WDR81: variants seen among roughly 807,000 people sequenced by gnomAD.
The protein encoded by WDR81 is WD repeat-containing protein 81.
Under a neutral mutation model 140.8 loss-of-function variants are expected in WDR81, and 92 were observed. The observed-to-expected ratio is 0.65, with a 90% CI of 0.55 to 0.78. WDR81 has a LOEUF of 0.78. Among genes scored for constraint, WDR81 ranks in the 30% least tolerant of loss-of-function variants. The probability of loss-of-function intolerance (pLI) is 0.00; values close to 1 mark genes in which losing one functional copy is unlikely to be tolerated. For missense variants in WDR81, 2,502 were observed against 2,636.4 expected, an observed-to-expected ratio of 0.95 and a Z score of 1.12; for synonymous variants, 1,183 against 1,156.4, an observed-to-expected ratio of 1.02 and a Z score of -0.47.
At chr17:1,729,577 G>A (rs903394688) in intron 1 of WDR81, among the ~76,000 whole-genome samples, 9 of 152,124 alleles carry the variant, frequency 5.9e-5, no homozygotes, top group African/African-American at 2.2e-4. Flanking sequence ...GGAGGAGTAG[G>A]AAGAAGGTAG....
Position 1,725,273 on chromosome 17 carries a change from TG to T in WDR81, c.316del (p.Glu106ArgfsTer148). ...AGGCTGCCTGCCGGCTGGACGCGCG[TG>T]GAGGTGCATGGGCTGCGGAAGCGGA... ...VQRLPAGWTR[V>X]EVHGLRKRRL... is the part of the protein sequence containing the mutation. On this transcript the variant is annotated frameshift_variant, in exon 1 of 10. Coordinates refer to ENST00000409644, the MANE Select transcript of WDR81 (RefSeq NM_001163809.2). LOFTEE classifies it high-confidence loss of function. 6.5e-7 allele frequency: 1 copy of T among 1,545,784 alleles called. No homozygotes were observed. Among genetic ancestry groups the T allele is most frequent in the Non-Finnish European group, 8.7e-7 (1 of 1,146,938 alleles).
chr17:1,728,376 A>G lies in WDR81; in HGVS notation c.3417A>G (p.Ser1139=). 1 of 1,612,978 alleles carries G rather than the reference A, an allele frequency of 6.2e-7. No homozygotes were observed. The highest frequency in any genetic ancestry group is 8.5e-7 in the Non-Finnish European group (1 of 1,179,976). ...CCGTGGACAAGAGCAGCCTTCGATCAGGTGACAGCAGCCAGGACTTGAAGC... is the reference window on the plus strand; with the variant it reads ...CCGTGGACAAGAGCAGCCTTCGATCGGGTGACAGCAGCCAGGACTTGAAGC... The part of the protein sequence containing the change: ...GAPVDKSSLR[S]GDSSQDLKQS... Residue 1139 remains serine, a synonymous_variant, in exon 1 of 10, where the codon TCA becomes TCG. Transcript: ENST00000409644.
At chr17:1,717,751 A>T (rs2151153375) in intron 1 of WDR81, among the ~76,000 whole-genome samples, 1 of 152,116 alleles carries the variant, frequency 6.6e-6, no homozygotes, top group South Asian at 2.1e-4. Context: ...TCACTCCAAG[A>T]CTGTCTCCCC....
intron 4 of WDR81, 30 bp downstream of exon 4, chr17:1,731,288 G>T (rs1486920636): frequency 6.2e-7 from 1 of 1,604,950 alleles, no homozygotes. Flanking sequence ...GATGTAGGGG[G>T]ACCGGCCCAG....
chr17:1,725,751 C>G lies in WDR81; in HGVS notation c.792C>G (p.Leu264=). ...GCCAGGCCAAGGTGCTGTTCATTCT[C>G]TTCCGCGTGCTGAGGGCTATGGACG... ...TNSQAKVLFI[L]FRVLRAMDAC... Residue 264 remains leucine, a synonymous_variant, in exon 1 of 10, where the codon CTC becomes CTG. Transcript: ENST00000409644. The G allele has an allele frequency of 3.2e-6, 5 of 1,550,646 alleles. No individual in the cohort carries two copies. The highest frequency in any genetic ancestry group is 2.0e-5 in the Admixed American group (1 of 51,008).
rs759627050 is a variant in WDR81, at chr17:1,725,617, C to G, written c.658C>G (p.Arg220Gly). The G allele has an allele frequency of 7.1e-6, 11 of 1,545,312 alleles. No homozygotes were observed. The South Asian group carries it at 1.1e-4, about 15-fold the overall frequency. The change falls in exon 1 of 10, where the codon CGG becomes GGG. Residue 220 changes from arginine (R) to glycine (G), a missense_variant. Physicochemically the swap from Arg to Gly is moderately radical, Grantham distance 125. Coordinates refer to ENST00000409644, the MANE Select transcript of WDR81 (RefSeq NM_001163809.2). ...RGSPACPSLLRAEALLESPEM... is the reference protein window; with the variant it reads ...RGSPACPSLLGAEALLESPEM... ...CAGCCCTGCTTGCCCTAGTCTTTTA[C>G]GGGCTGAGGCCTTGCTGGAGTCGCC...
rs764895910 is a variant in WDR81, at chr17:1,732,638, G to A, written c.4324-28G>A. ...GGCCAGGGTGGGAGCTGTGGACCCG[G>A]CTGACCCCCTGGGTGTCTTGCTCAT... On this transcript the variant is annotated intron_variant, in intron 5 of 9. Transcript: ENST00000409644. 3 of 1,584,122 alleles carry A rather than the reference G, an allele frequency of 1.9e-6. No individual in the cohort carries two copies. The African/African-American group carries it at 4.0e-5, about 21-fold the overall frequency.
In WDR81 at chr17:1,725,565, C is replaced by T; in HGVS notation, c.606C>T (p.Ala202=). 3 of 1,545,134 alleles carry T rather than the reference C, an allele frequency of 1.9e-6. No individual in the cohort carries two copies. The highest frequency in any genetic ancestry group is 2.6e-6 in the Non-Finnish European group (3 of 1,146,962). Residue 202 remains alanine, a synonymous_variant, in exon 1 of 10, where the codon GCC becomes GCT. Transcript: ENST00000409644. ...AAACTACCCAATGCCCTTCATATGC[C>T]AGAGAAGGCCCCTGCCCCCCTCGGG... The part of the protein sequence containing the change: ...VGETTQCPSY[A]REGPCPPRGS...
chr17:1,716,733 C>A, intron 1 of WDR81: 1 of 1,349,168 alleles, frequency 7.4e-7, no homozygotes, highest in Non-Finnish European at 1.0e-6. Flanking sequence ...TTCTTTTAGA[C>A]ATTCCCCAAA....
In WDR81 at chr17:1,727,322, G is replaced by A. The variant is rs905285469; in HGVS notation, c.2363G>A (p.Arg788Gln). The change falls in exon 1 of 10, where the codon CGG (arginine) becomes CAG (glutamine). Residue 788 changes from arginine to glutamine, a missense_variant. By Grantham distance (43) the Arg-to-Gln change is conservative. Transcript: ENST00000409644. ...GAGATGGTGTTTGCCACCAGGGTGC[G>A]GACGCTGCAGCCCGATGCACCTTTG... ...LAEMVFATRV[R>Q]TLQPDAPLWV... is the part of the protein sequence containing the mutation. 20 of 1,549,772 alleles carry A rather than the reference G, an allele frequency of 1.3e-5. No individual in the cohort carries two copies. Among genetic ancestry groups the A allele is most frequent in the South Asian group, 3.6e-5 (3 of 84,064 alleles).
intron 5 of WDR81, 37 bp downstream of exon 5, chr17:1,732,527 G>T (rs957640497): frequency 1.2e-6 from 2 of 1,603,602 alleles, no homozygotes; most frequent in Non-Finnish European, 8.5e-7. Flanking sequence ...GGCTGGGGCG[G>T]GGGCTGTGGA....
At chr17:1,716,676 GA>G in intron 1 of WDR81, 1 of 1,549,982 alleles carries the variant, frequency 6.5e-7, no homozygotes, top group Non-Finnish European at 8.7e-7. Flanking sequence ...CCAGCCCGGG[GA>G]AGTCCTTAAA....
At position 1,737,994 on chromosome 17, in the gene WDR81, C is replaced by A; in HGVS notation, c.*309C>A. ...TTCTCCCCAGCTCTGCCCTCTGGGT[C>A]CACATGAGGACAGGGAAGCTCGGGA... is the stretch of plus-strand genomic sequence containing the variant. On this transcript the variant is annotated 3_prime_UTR_variant, in exon 10 of 10. Coordinates refer to ENST00000409644, the MANE Select transcript of WDR81 (RefSeq NM_001163809.2). 1 of 475,490 alleles carries A rather than the reference C, an allele frequency of 2.1e-6. No individual in the cohort carries two copies. The highest frequency in any genetic ancestry group is 2.5e-5 in the South Asian group (1 of 40,708). 29.5% of individuals were successfully genotyped at this position (475,490 alleles called of 1,614,324 possible). A position where few individuals can be genotyped will look rare whatever the true frequency, so the allele number is the denominator to read the frequency against.
chr17:1,735,578 C>T lies in WDR81; in HGVS notation c.5186C>T (p.Thr1729Ile). 3 of 1,609,900 alleles carry T rather than the reference C, an allele frequency of 1.9e-6. No individual in the cohort carries two copies. Among genetic ancestry groups the T allele is most frequent in the Non-Finnish European group, 1.7e-6 (2 of 1,178,784 alleles). ...VHVWDPFTGK[T>I]LRTVEPLDSR... ...CTGTGACTTTCCTTCCCAGGGAAGACCCTTCGCACAGTGGAGCCGCTGGAC... is the reference window on the plus strand; with the variant it reads ...CTGTGACTTTCCTTCCCAGGGAAGATCCTTCGCACAGTGGAGCCGCTGGAC... Residue 1729 changes from threonine (T) to isoleucine (I), a missense_variant, in exon 8 of 10, where the codon ACC (threonine) becomes ATC (isoleucine). Thr to Ile is a moderately conservative substitution (Grantham distance 89). Coordinates refer to ENST00000409644, the MANE Select transcript of WDR81 (RefSeq NM_001163809.2). The surrounding 1 kb of genome is among the most constrained non-coding windows in gnomAD (Gnocchi z 4.2).
intron 9 of WDR81, 94 bp downstream of exon 9, chr17:1,736,312 C>T (rs920826644): frequency 1.5e-5 from 22 of 1,421,382 alleles, no homozygotes; most frequent in African/African-American, 2.8e-5. Flanking sequence ...GGTTCAGGCT[C>T]GAACTGGTCT....
chr17:1,731,941 G>GGA (rs1904383685), intron 4 of WDR81, among the ~76,000 whole-genome samples: 1 of 133,074 alleles, frequency 7.5e-6, no homozygotes. Flanking sequence ...AAAAAAAAAA[G>GGA]TATATATATA....
chr17:1,725,068 G>T lies in WDR81; in HGVS notation c.109G>T (p.Asp37Tyr). 1 of 1,488,164 alleles carries T rather than the reference G, an allele frequency of 6.7e-7. No homozygotes were observed. 92.2% of individuals were successfully genotyped at this position (1,488,164 alleles called of 1,614,324 possible). ...GGAGCTGCTCCGGAGCGTGGAGAGG[G>T]ACCTGAGCATCGATCCCAGGCAGCT... ...MQELLRSVER[D>Y]LSIDPRQLAP... is the part of the protein sequence containing the mutation. The change falls in exon 1 of 10, where the codon GAC becomes TAC. Residue 37 changes from aspartate to tyrosine, a missense_variant. Physicochemically the swap from Asp to Tyr is radical, Grantham distance 160. This residue lies in a region of WDR81 where 547 missense variants were observed against 513.8 expected (regional missense o/e 1.06). Transcript: ENST00000409644.
At chr17:1,722,849 C>T (rs573613457), upstream of WDR81, among the ~76,000 whole-genome samples, 10 of 152,156 alleles carry the variant, frequency 6.6e-5, no homozygotes, top group South Asian at 2.1e-3. Flanking sequence ...CCCGCTGCCA[C>T]ACCCGGCTAA....
In WDR81 at chr17:1,726,769, C is replaced by T. The variant is rs1011941594; in HGVS notation, c.1810C>T (p.Leu604Phe). 1.3e-6 allele frequency: 2 copies of T among 1,548,318 alleles called. No individual in the cohort carries two copies. Among genetic ancestry groups the T allele is most frequent in the East Asian group, 4.9e-5 (2 of 40,896 alleles). Residue 604 changes from leucine (L) to phenylalanine (F), a missense_variant, in exon 1 of 10, where the codon CTC (leucine) becomes TTC (phenylalanine). Physicochemically the swap from Leu to Phe is conservative, Grantham distance 22. This residue lies in a region of WDR81 where 1,737 missense variants were observed against 1,843.0 expected (regional missense o/e 0.94). Transcript: ENST00000409644. ...GAPALAPEPP[L>F]IPKLLVQTIQ... ...TCCTGCCCTTGCCCCCGAGCCTCCC[C>T]TCATCCCCAAGCTGTTGGTCCAGAC...
Sources: gnomAD v4.1 joint callset for allele counts (sites outside exome capture counted in the v4.1 genomes callset) on GRCh38, gnomAD v4.1.1 for gene constraint, gnomAD v4.1.1 regional missense constraint, Gnocchi (gnomAD v3.1) non-coding constraint, MANE v1.5 for transcripts, NCBI Gene and HGNC (gene_info 2026-07-23, HGNC 2026-07-21) for gene names.